Variants in CSMD1 observed in about 807,000 individuals in gnomAD.
CSMD1 encodes the protein CUB and Sushi multiple domains 1, also known as CUB and sushi domain-containing protein 1.
A neutral mutation model predicts 417.5 loss-of-function variants in CSMD1; 213 were observed. That is an observed-to-expected ratio of 0.51 (90% CI 0.46 to 0.57). The LOEUF (loss-of-function observed/expected upper bound fraction) is 0.57, where lower values mean the gene tolerates loss of function less well. CSMD1 is among the 20% of genes least tolerant of loss of function. CSMD1 has a pLI of 0.00. For synonymous variants in CSMD1, 2,862 were observed against 1,736.8 expected (o/e 1.65, Z -16.11); for missense variants, 6,923 against 4,529.7 (o/e 1.53, Z -15.17).
intron 11 of CSMD1, among the ~76,000 whole-genome samples, chr8:3,488,184 C>T (rs1290344241): frequency 1.3e-5 from 2 of 151,862 alleles, no homozygotes; most frequent in African/African-American, 4.8e-5. Flanking sequence ...CTCACTGCAG[C>T]CTTGATCTCC....
intron 9 of CSMD1, among the ~76,000 whole-genome samples, chr8:3,575,404 C>A (rs965506853): frequency 2.0e-5 from 3 of 152,102 alleles, no homozygotes; most frequent in Non-Finnish European, 2.9e-5. Context: ...AGAGTGTTCA[C>A]GTAGGTGTCG....
intron 5 of CSMD1, among the ~76,000 whole-genome samples, chr8:3,953,012 AT>A (rs1811693409): frequency 6.6e-6 from 1 of 152,186 alleles, no homozygotes. Context: ...ATTTAAAAAA[AT>A]ACATGAGAAG....
chr8:4,664,711 A>C (rs1804808878), intron 1 of CSMD1, among the ~76,000 whole-genome samples: 1 of 152,142 alleles, frequency 6.6e-6, no homozygotes, highest in Non-Finnish European at 1.5e-5. Context: ...TAAAAGCAAA[A>C]TTTTATTTTA....
Position 4,257,474 on chromosome 8 carries a change from T to C in CSMD1, c.415+162479A>G, listed in dbSNP as rs1354082863. Reference sequence around the variant, plus strand: ...ATTCCTTCCTTAATAGTTTTAAGAATGCATATATTTCTATTAATTTTCATA... The same window carrying C: ...ATTCCTTCCTTAATAGTTTTAAGAACGCATATATTTCTATTAATTTTCATA... On this transcript the variant is annotated intron_variant, in intron 3 of 69. Transcript: ENST00000635120. Among the ~76,000 whole-genome samples, 3 of 152,230 alleles carry C rather than the reference T, an allele frequency of 2.0e-5. No individual in the cohort carries two copies. In the East Asian group the frequency reaches 5.8e-4, roughly 29 times the overall value.
chr8:3,611,402 G>T (rs1373063501), intron 8 of CSMD1, among the ~76,000 whole-genome samples: 1 of 152,126 alleles, frequency 6.6e-6, no homozygotes, highest in Non-Finnish European at 1.5e-5. Context: ...GTTTTGAGTT[G>T]AGCTGGCTGC....
chr8:3,308,390 C>T lies in CSMD1; in HGVS notation c.3745G>A (p.Ala1249Thr), dbSNP rs776121814. 63 of 1,613,640 alleles carry T rather than the reference C, an allele frequency of 3.9e-5. 2 individuals are homozygous for T. Among genetic ancestry groups the T allele is most frequent in the South Asian group, 3.0e-4 (27 of 91,066 alleles). The change falls in exon 24 of 70, where the codon GCC becomes ACC. Residue 1249 changes from alanine to threonine, a missense_variant. By Grantham distance (58) the Ala-to-Thr change is moderately conservative (BLOSUM62 0). Coordinates refer to ENST00000635120, the MANE Select transcript of CSMD1 (RefSeq NM_033225.6). ...VVLYSCNPGY[A>T]MHGSNTLTCL... ...GTCAGGGTGTTGCTGCCATGCATGG[C>T]GTACCCCGGGTTGCAACTGTACAGA...
At chr8:4,263,008 C>T (rs994882963) in intron 3 of CSMD1, among the ~76,000 whole-genome samples, 1 of 152,154 alleles carries the variant, frequency 6.6e-6, no homozygotes, top group African/African-American at 2.4e-5. Flanking sequence ...GTCACTAATT[C>T]TGTCTTGGCC....
chr8:4,512,481 A>G (rs928621008), intron 2 of CSMD1, among the ~76,000 whole-genome samples: 9 of 152,216 alleles, frequency 5.9e-5, no homozygotes, highest in Non-Finnish European at 1.3e-4. Context: ...AGGAAGAAAT[A>G]AAAGTTGTTT....
intron 51 of CSMD1, among the ~76,000 whole-genome samples, chr8:3,027,748 T>A (rs992355176): frequency 1.3e-5 from 2 of 152,124 alleles, no homozygotes; most frequent in African/African-American, 4.8e-5. Flanking sequence ...AACACCAGAA[T>A]ACAGTTGATA....
At chr8:3,723,470 G>C (rs749415588) in intron 6 of CSMD1, among the ~76,000 whole-genome samples, 2 of 152,146 alleles carry the variant, frequency 1.3e-5, no homozygotes, top group Non-Finnish European at 2.9e-5. Flanking sequence ...ACTACCTTAG[G>C]ATCCTGTGTA....
intron 7 of CSMD1, among the ~76,000 whole-genome samples, chr8:3,635,091 C>A (rs555278753): frequency 7.2e-5 from 11 of 152,020 alleles, no homozygotes; most frequent in African/African-American, 2.4e-4. Context: ...TTACTATAAA[C>A]AGAGCTTGTG....
chr8:4,437,805 G>C (rs1154058), intron 2 of CSMD1, among the ~76,000 whole-genome samples: 1 of 152,144 alleles, frequency 6.6e-6, no homozygotes, highest in Non-Finnish European at 1.5e-5. Context: ...TTCATAGGCC[G>C]TGTTTGGTTG....
intron 12 of CSMD1, among the ~76,000 whole-genome samples, chr8:3,437,851 A>C (rs1307619235): frequency 6.6e-6 from 1 of 151,670 alleles, no homozygotes; most frequent in Non-Finnish European, 1.5e-5. Context: ...GTGTTCAAGC[A>C]ATTCTCTTGT....
intron 3 of CSMD1, among the ~76,000 whole-genome samples, chr8:4,214,002 C>G (rs528049127): frequency 6.6e-6 from 1 of 152,204 alleles, no homozygotes; most frequent in South Asian, 2.1e-4. Context: ...CAGAAAGGGG[C>G]AAAGTTCTGA....
intron 10 of CSMD1, among the ~76,000 whole-genome samples, chr8:3,510,812 G>C (rs1210079505): frequency 1.3e-5 from 2 of 151,740 alleles, no homozygotes; most frequent in Non-Finnish European, 2.9e-5. Context: ...GTCTTCTTTT[G>C]AGAAGTATCT....
intron 49 of CSMD1, among the ~76,000 whole-genome samples, chr8:3,057,601 T>G (rs1052369941): frequency 1.3e-5 from 2 of 152,194 alleles, no homozygotes; most frequent in Non-Finnish European, 2.9e-5. Flanking sequence ...TACTTAATTT[T>G]CACTACAAGC....
intron 3 of CSMD1, among the ~76,000 whole-genome samples, chr8:4,074,992 T>C (rs769287548): frequency 6.6e-6 from 1 of 152,160 alleles, no homozygotes; most frequent in African/African-American, 2.4e-5. Context: ...ATATGAACTC[T>C]ACAAATGGGG....
chr8:4,176,335 T>C (rs183615636), intron 3 of CSMD1, among the ~76,000 whole-genome samples: 2 of 152,156 alleles, frequency 1.3e-5, no homozygotes, highest in Non-Finnish European at 2.9e-5. Context: ...CGTCAACCTT[T>C]TAAATTGAAA....
At chr8:4,000,938 G>C (rs1278648666) in intron 4 of CSMD1, among the ~76,000 whole-genome samples, 1 of 151,894 alleles carries the variant, frequency 6.6e-6, no homozygotes, top group African/African-American at 2.4e-5. Context: ...TGATGTAGTT[G>C]AAAGATTAAT....
Sources: gnomAD v4.1 joint callset for allele counts (sites outside exome capture counted in the v4.1 genomes callset) on GRCh38, gnomAD v4.1.1 for gene constraint, MANE v1.5 for transcripts, NCBI Gene and HGNC (gene_info 2026-07-23, HGNC 2026-07-21) for gene names.